Variants in VDAC1 observed in about 807,000 individuals in gnomAD.
VDAC1 encodes the protein voltage dependent anion channel 1, also known as non-selective voltage-gated ion channel VDAC1.
A neutral mutation model predicts 34.7 loss-of-function variants in VDAC1; 10 were observed. That is an observed-to-expected ratio of 0.29 (90% CI 0.18 to 0.49). The LOEUF (loss-of-function observed/expected upper bound fraction) is 0.49, where lower values mean the gene tolerates loss of function less well. VDAC1 is among the 20% of genes least tolerant of loss of function. The probability of loss-of-function intolerance (pLI) is 0.99; values close to 1 mark genes in which losing one functional copy is unlikely to be tolerated. For missense variants in VDAC1, 230 were observed against 347.9 expected (o/e 0.66, Z 2.69); for synonymous variants, 130 against 136.0 (o/e 0.96, Z 0.30).
intron 1 of VDAC1, among the ~76,000 whole-genome samples, chr5:133,998,847 A>C (rs1348357516): frequency 2.6e-5 from 4 of 152,246 alleles, no homozygotes; most frequent in Non-Finnish European, 5.9e-5. Flanking sequence ...AGAGCCTGCC[A>C]GAAGAGATGG....
At chr5:134,083,190 C>CTTTTTTTTTT in the VDAC1 span, among the ~76,000 whole-genome samples, 12 of 125,522 alleles carry the variant, frequency 9.6e-5, no homozygotes, top group East Asian at 2.2e-4. Flanking sequence ...CTTTTTTTTT[C>CTTTTTTTTTT]TTTTTTTTTT....
At chr5:134,080,169 T>A in the VDAC1 span, among the ~76,000 whole-genome samples, 55 of 152,322 alleles carry the variant, frequency 3.6e-4, no homozygotes, top group Non-Finnish European at 7.4e-4. Context: ...CTGTGGTCAT[T>A]TGCCCTCGAT....
chr5:133,977,241 A>G (rs1752515647), intron 6 of VDAC1, among the ~76,000 whole-genome samples: 1 of 152,202 alleles, frequency 6.6e-6, no homozygotes. Context: ...CAGCACTTCA[A>G]AAGAGCTTAA....
the VDAC1 span, among the ~76,000 whole-genome samples, chr5:134,076,129 G>A: frequency 6.6e-6 from 1 of 152,192 alleles, no homozygotes; most frequent in African/African-American, 2.4e-5. Context: ...ATAGGCACAT[G>A]CCACCATGTC....
the VDAC1 span, among the ~76,000 whole-genome samples, chr5:134,074,260 C>T: frequency 1.3e-5 from 2 of 151,748 alleles, no homozygotes; most frequent in African/African-American, 4.8e-5. Flanking sequence ...CGCAGTGAGC[C>T]AAGATCCTGC....
intron 1 of VDAC1, among the ~76,000 whole-genome samples, chr5:133,997,349 A>G (rs1182513278): frequency 6.6e-6 from 1 of 152,172 alleles, no homozygotes; most frequent in Non-Finnish European, 1.5e-5. Context: ...CATCAAAAGG[A>G]AAATGAATGA....
At chr5:133,980,692 C>G in intron 6 of VDAC1, 37 bp downstream of exon 6, 2 of 559,142 alleles carry the variant, frequency 3.6e-6, no homozygotes, top group Non-Finnish European at 3.4e-6. Flanking sequence ...TGCTCCAACC[C>G]CACCCCTCCC....
At chr5:134,085,901 A>G in the VDAC1 span, among the ~76,000 whole-genome samples, 1 of 152,052 alleles carries the variant, frequency 6.6e-6, no homozygotes, top group South Asian at 2.1e-4. Flanking sequence ...TCTGAAAAAC[A>G]GAATAAAAAG....
At chr5:134,113,822 C>G in the VDAC1 span, among the ~76,000 whole-genome samples, 8 of 152,244 alleles carry the variant, frequency 5.3e-5, no homozygotes, top group Non-Finnish European at 5.9e-5. Context: ...AGGCCAGGGT[C>G]AACTTCAGAG....
At chr5:134,042,253 G>T in the VDAC1 span, among the ~76,000 whole-genome samples, 7 of 152,226 alleles carry the variant, frequency 4.6e-5, no homozygotes, top group Admixed American at 1.3e-4. Flanking sequence ...TGTGGGCTTG[G>T]GGGGGACCAG....
the VDAC1 span, among the ~76,000 whole-genome samples, chr5:134,109,949 A>C: frequency 6.6e-6 from 1 of 152,136 alleles, no homozygotes; most frequent in African/African-American, 2.4e-5. Flanking sequence ...GCAGCCTAGG[A>C]CCTGGCACAC....
chr5:134,001,256 C>T (rs1163868412), intron 1 of VDAC1, among the ~76,000 whole-genome samples: 1 of 152,196 alleles, frequency 6.6e-6, no homozygotes, highest in Non-Finnish European at 1.5e-5. Context: ...GTTACCTCAC[C>T]TCTCTGTGCT....
chr5:134,017,962 G>A, the VDAC1 span, among the ~76,000 whole-genome samples: 1 of 152,326 alleles, frequency 6.6e-6, no homozygotes, highest in South Asian at 2.1e-4. Flanking sequence ...ATGACGTGTG[G>A]CATAAAGGCA....
At chr5:134,034,296 A>G in the VDAC1 span, among the ~76,000 whole-genome samples, 1 of 152,206 alleles carries the variant, frequency 6.6e-6, no homozygotes, top group African/African-American at 2.4e-5. Flanking sequence ...TGTCCCCCAA[A>G]AGACAAGCCT....
chr5:134,039,565 G>A, the VDAC1 span, among the ~76,000 whole-genome samples: 24 of 152,246 alleles, frequency 1.6e-4, no homozygotes, highest in East Asian at 1.4e-3. Context: ...TGCTGACCTC[G>A]TGATCCGCCC....
chr5:134,069,815 G>A, the VDAC1 span, among the ~76,000 whole-genome samples: 3 of 152,164 alleles, frequency 2.0e-5, no homozygotes, highest in Admixed American at 6.5e-5. Flanking sequence ...CTAAGTCACA[G>A]GATGAGATAG....
intron 5 of VDAC1, among the ~76,000 whole-genome samples, chr5:133,987,905 A>G (rs1752964126): frequency 6.6e-6 from 1 of 152,220 alleles, no homozygotes; most frequent in South Asian, 2.1e-4. Flanking sequence ...AGAATATAAC[A>G]CAACAACTAC....
chr5:133,982,777 C>A (rs1345092273), intron 5 of VDAC1, among the ~76,000 whole-genome samples: 1 of 150,688 alleles, frequency 6.6e-6, no homozygotes, highest in Non-Finnish European at 1.5e-5. Context: ...GTAATCTCAT[C>A]TACTTGGGAG....
chr5:134,068,558 G>A, the VDAC1 span, among the ~76,000 whole-genome samples: 53 of 152,126 alleles, frequency 3.5e-4, no homozygotes, highest in East Asian at 3.3e-3. Context: ...TGAGAAGGCT[G>A]TTTACTTATG....
Sources: allele counts gnomAD v4.1 joint callset (sites outside exome capture counted in the v4.1 genomes callset), GRCh38; gene constraint gnomAD v4.1.1; transcripts MANE v1.5; gene names NCBI Gene and HGNC (gene_info 2026-07-23, HGNC 2026-07-21).